Variants in BPTF observed in about 807,000 individuals in gnomAD.
The protein encoded by BPTF is nucleosome-remodeling factor subunit BPTF.
In BPTF, 18 loss-of-function variants were observed where a neutral mutation model predicts 292.5. That is an observed-to-expected ratio of 0.06 (90% confidence interval 0.04 to 0.09). The LOEUF is 0.09. Ranked by LOEUF, BPTF falls within the 10% of genes least tolerant of loss-of-function variation. The pLI is 1.00. For synonymous variants in BPTF, 1,225 were observed against 1,251.9 expected (o/e 0.98, Z 0.45); for missense variants, 2,726 against 3,498.7 (o/e 0.78, Z 5.57).
At chr17:67,836,519 C>T (rs1432256988) in intron 1 of BPTF, among the ~76,000 whole-genome samples, 3 of 152,134 alleles carry the variant, frequency 2.0e-5, no homozygotes, top group Non-Finnish European at 2.9e-5. Context: ...AGATACTTGT[C>T]TCAAGAGATG....
At chr17:67,955,017 C>T (rs4790973) in intron 23 of BPTF, among the ~76,000 whole-genome samples, 33,387 of 152,024 alleles carry the variant, frequency 0.22, 4,320 homozygotes, top group East Asian at 0.68. Flanking sequence ...TGGCCGGGTA[C>T]GGTGGCTCAT....
chr17:67,917,915 C>T (rs933232533), intron 11 of BPTF, among the ~76,000 whole-genome samples: 7 of 152,148 alleles, frequency 4.6e-5, no homozygotes, highest in East Asian at 1.9e-4. Flanking sequence ...AGGTTCACGC[C>T]GTTCTTCTGC....
chr17:67,860,853 A>T (rs1397762281), intron 2 of BPTF, among the ~76,000 whole-genome samples: 1 of 152,242 alleles, frequency 6.6e-6, no homozygotes, highest in African/African-American at 2.4e-5. Context: ...GGACCACCAC[A>T]CGCCTTTAAA....
At chr17:67,975,997 C>G in intron 27 of BPTF, 39 bp downstream of exon 27, 1 of 1,504,446 alleles carries the variant, frequency 6.6e-7, no homozygotes, top group Non-Finnish European at 9.1e-7. Context: ...TAATTCAACT[C>G]TTCACACTCT....
chr17:67,930,115 CAA>C (rs57367735), intron 17 of BPTF, among the ~76,000 whole-genome samples: 2,325 of 107,754 alleles, frequency 0.022, 44 homozygotes, highest in African/African-American at 0.06. Flanking sequence ...GACCTTGTCT[CAA>C]AAAAAAAAAA....
intron 24 of BPTF, among the ~76,000 whole-genome samples, chr17:67,961,282 ATTTT>A (rs1345267808): frequency 1.2e-4 from 18 of 152,152 alleles, no homozygotes; most frequent in African/African-American, 4.1e-4. Flanking sequence ...GTTATTTTAT[ATTTT>A]TCATTTTGTC....
chr17:67,851,121 C>G (rs1287747858), intron 1 of BPTF, among the ~76,000 whole-genome samples: 2 of 152,164 alleles, frequency 1.3e-5, no homozygotes, highest in African/African-American at 2.4e-5. Flanking sequence ...TATCTGTGCA[C>G]AGACAAGGAG....
intron 1 of BPTF, among the ~76,000 whole-genome samples, chr17:67,842,987 CACAA>C (rs758644344): frequency 1.8e-4 from 27 of 151,654 alleles, no homozygotes; most frequent in Non-Finnish European, 3.5e-4. Context: ...AATGTAAAAA[CACAA>C]ACAGTTGTTT....
rs1555674120 is a variant in BPTF, at chr17:67,945,512, C to T, written c.6804C>T (p.Ala2268=). ...AQSSSVGPAE[A]QPQTAQPSAQ... ...CATCAAGTGTGGGTCCAGCAGAAGC[C>T]CAGCCACAGACTGCTCAGCCTTCAG... The change falls in exon 21 of 28, where the codon GCC becomes GCT. Residue 2268 remains alanine (A), a synonymous_variant. Coordinates refer to ENST00000306378, the MANE Select transcript of BPTF (RefSeq NM_182641.4). The T allele has an allele frequency of 5.0e-6, 8 of 1,614,086 alleles. No homozygotes were observed. The highest frequency in any genetic ancestry group is 6.8e-6 in the Non-Finnish European group (8 of 1,180,006).
intron 1 of BPTF, among the ~76,000 whole-genome samples, chr17:67,827,414 C>T (rs2056186957): frequency 6.6e-6 from 1 of 152,138 alleles, no homozygotes; most frequent in Admixed American, 6.5e-5. Flanking sequence ...GAAACACCCC[C>T]GGCCCCCCGC....
At chr17:67,848,092 T>C (rs951234971) in intron 1 of BPTF, among the ~76,000 whole-genome samples, 1 of 152,204 alleles carries the variant, frequency 6.6e-6, no homozygotes, top group Non-Finnish European at 1.5e-5. Flanking sequence ...GGGACAATGT[T>C]ACATTTTTTC....
intron 2 of BPTF, among the ~76,000 whole-genome samples, chr17:67,859,407 A>G (rs2058938252): frequency 1.3e-5 from 2 of 152,206 alleles, no homozygotes; most frequent in Non-Finnish European, 2.9e-5. Context: ...CAGCCTCCCA[A>G]AATCATAGGG....
intron 4 of BPTF, among the ~76,000 whole-genome samples, chr17:67,888,364 G>A (rs977066540): frequency 1.3e-5 from 2 of 151,850 alleles, no homozygotes; most frequent in Non-Finnish European, 2.9e-5. Flanking sequence ...CAAGGCGGGC[G>A]GATCACGAGG....
At chr17:67,962,325 T>A (rs12942919) in intron 24 of BPTF, among the ~76,000 whole-genome samples, 134,528 of 152,236 alleles carry the variant, frequency 0.88, 61,833 homozygotes, top group East Asian at 1. Context: ...TGGTTCCCTG[T>A]GATTCATGGT....
At chr17:67,933,798 C>T (rs1377876061) in intron 18 of BPTF, among the ~76,000 whole-genome samples, 2 of 152,156 alleles carry the variant, frequency 1.3e-5, no homozygotes, top group African/African-American at 4.8e-5. Flanking sequence ...GTGGCTCATG[C>T]CTGTAATCCC....
At chr17:67,885,009 T>C (rs2060659588) in intron 4 of BPTF, among the ~76,000 whole-genome samples, 1 of 152,240 alleles carries the variant, frequency 6.6e-6, no homozygotes, top group Admixed American at 6.5e-5. Flanking sequence ...CATTTTCTTT[T>C]CTTTTATGAC....
intron 20 of BPTF, 147 bp downstream of exon 20, chr17:67,944,519 C>A: frequency 1.2e-6 from 1 of 841,870 alleles, no homozygotes. Context: ...AGCCTCACAA[C>A]GTCTCGAAGC....
Position 67,959,693 on chromosome 17 carries a change from G to A in BPTF, c.8079G>A (p.Val2693=). 1.3e-6 allele frequency: 2 copies of A among 1,543,676 alleles called. No homozygotes were observed. The highest frequency in any genetic ancestry group is 2.3e-5 in the South Asian group (2 of 87,850). ...PPPSPPPPPA[V]QHTGLLSTPT... is the part of the protein sequence containing the mutation. ...CTTCACCTCCCCCTCCACCTGCTGTGCAACACACAGGCCTTCTGTCCACGC... is the reference window on the plus strand; with the variant it reads ...CTTCACCTCCCCCTCCACCTGCTGTACAACACACAGGCCTTCTGTCCACGC... The change falls in exon 24 of 28, where the codon GTG becomes GTA. Residue 2693 remains valine, a synonymous_variant. Coordinates refer to ENST00000306378, the MANE Select transcript of BPTF (RefSeq NM_182641.4).
intron 23 of BPTF, among the ~76,000 whole-genome samples, chr17:67,958,499 G>A (rs1295090312): frequency 2.0e-5 from 3 of 151,868 alleles, no homozygotes; most frequent in Admixed American, 1.3e-4. Context: ...AGTCTAAGGT[G>A]GGTGGATTGC....
Sources: allele counts gnomAD v4.1 joint callset (sites outside exome capture counted in the v4.1 genomes callset), GRCh38; gene constraint gnomAD v4.1.1; transcripts MANE v1.5; gene names NCBI Gene and HGNC (gene_info 2026-07-23, HGNC 2026-07-21).